NDST3: variants seen among roughly 807,000 people sequenced by gnomAD.
The protein encoded by NDST3 is bifunctional heparan sulfate N-deacetylase/N-sulfotransferase 3.
Under a neutral mutation model 96.1 loss-of-function variants are expected in NDST3, and 58 were observed. The ratio of observed to expected loss-of-function variants is 0.60; its 90% CI spans 0.49 to 0.75. The LOEUF (loss-of-function observed/expected upper bound fraction) is 0.75, where lower values mean the gene tolerates loss of function less well. Ranked by LOEUF, NDST3 falls within the 30% of genes least tolerant of loss-of-function variation. NDST3 has a pLI of 0.00. For missense variants in NDST3, 788 were observed against 1,034.2 expected (o/e 0.76, Z 3.27); for synonymous variants, 333 against 359.7 (o/e 0.93, Z 0.84).
intron 2 of NDST3, among the ~76,000 whole-genome samples, chr4:118,089,746 T>C (rs2125829049): frequency 6.6e-6 from 1 of 152,056 alleles, no homozygotes; most frequent in Non-Finnish European, 1.5e-5. Context: ...GAAAGACCTA[T>C]GAAAAAGTAT....
intron 6 of NDST3, among the ~76,000 whole-genome samples, chr4:118,171,195 T>C (rs973270658): frequency 3.9e-5 from 6 of 152,192 alleles, no homozygotes; most frequent in Non-Finnish European, 8.8e-5. Flanking sequence ...TCTTTCTTTG[T>C]AGTAGAAACT....
chr4:118,244,947 TA>T (rs1245468549), intron 12 of NDST3, among the ~76,000 whole-genome samples: 1 of 152,166 alleles, frequency 6.6e-6, no homozygotes, highest in East Asian at 1.9e-4. Flanking sequence ...AAATAAGCTT[TA>T]AAAATATAAA....
chr4:118,168,509 C>G (rs1463266156), intron 6 of NDST3, among the ~76,000 whole-genome samples: 1 of 152,036 alleles, frequency 6.6e-6, no homozygotes, highest in African/African-American at 2.4e-5. Flanking sequence ...AATTAGAACT[C>G]TTGTACACAG....
intron 2 of NDST3, among the ~76,000 whole-genome samples, chr4:118,093,499 C>T (rs1480160259): frequency 6.6e-6 from 1 of 151,862 alleles, no homozygotes; most frequent in Non-Finnish European, 1.5e-5. Flanking sequence ...TTCAGTGAAG[C>T]TTCAGAAGCT....
chr4:118,217,079 T>C (rs993030892), intron 6 of NDST3, among the ~76,000 whole-genome samples: 7 of 152,092 alleles, frequency 4.6e-5, no homozygotes, highest in Non-Finnish European at 5.9e-5. Flanking sequence ...TTTAAAAACA[T>C]TGCATTTGCC....
chr4:118,114,716 T>C (rs1730918603), intron 3 of NDST3, 90 bp from the exon 4 acceptor site: 2 of 1,359,690 alleles, frequency 1.5e-6, no homozygotes, highest in Admixed American at 4.1e-5. Context: ...TCTAAATACA[T>C]ATACGAGAAA....
chr4:118,114,991 G>C, intron 4 of NDST3, 31 bp downstream of exon 4: 1 of 1,597,816 alleles, frequency 6.3e-7, no homozygotes, highest in Non-Finnish European at 8.6e-7. Context: ...CATTGAAGTA[G>C]TGTACACTGA....
intron 6 of NDST3, among the ~76,000 whole-genome samples, chr4:118,151,393 T>TA (rs200922768): frequency 1.3e-4 from 19 of 151,114 alleles, no homozygotes; most frequent in South Asian, 8.4e-4. Flanking sequence ...ATAATAATAA[T>TA]AAAAAAAAGA....
chr4:118,161,879 C>T (rs1735170612), intron 6 of NDST3, among the ~76,000 whole-genome samples: 1 of 152,172 alleles, frequency 6.6e-6, no homozygotes, highest in Non-Finnish European at 1.5e-5. Flanking sequence ...ACTGCACCCA[C>T]TGTCCTGCGC....
intron 4 of NDST3, among the ~76,000 whole-genome samples, chr4:118,132,061 C>T (rs1732670187): frequency 6.6e-6 from 1 of 152,070 alleles, no homozygotes; most frequent in South Asian, 2.1e-4. Context: ...ATAACTACTA[C>T]CTGGCTACCA....
chr4:118,166,254 A>G (rs1022103716), intron 6 of NDST3, among the ~76,000 whole-genome samples: 2 of 151,932 alleles, frequency 1.3e-5, no homozygotes, highest in Non-Finnish European at 2.9e-5. Context: ...AAAGATGATC[A>G]TAATAGTCTA....
At chr4:118,060,139 A>G (rs1019383279) in intron 2 of NDST3, among the ~76,000 whole-genome samples, 1 of 152,094 alleles carries the variant, frequency 6.6e-6, no homozygotes, top group Non-Finnish European at 1.5e-5. Context: ...GGGTGAGGGA[A>G]TGGAATGGTA....
intron 6 of NDST3, among the ~76,000 whole-genome samples, chr4:118,209,599 T>C (rs892723146): frequency 6.6e-6 from 1 of 152,252 alleles, no homozygotes; most frequent in African/African-American, 2.4e-5. Context: ...AGGGCTGAAC[T>C]TGCAGTTCTG....
intron 2 of NDST3, among the ~76,000 whole-genome samples, chr4:118,066,161 ATATAT>A (rs1431225310): frequency 7.1e-4 from 22 of 31,178 alleles, no homozygotes; most frequent in African/African-American, 1.7e-3. Context: ...TATATATATT[ATATAT>A]TATATTTTAT....
chr4:118,137,890 A>G (rs952210468), intron 4 of NDST3, among the ~76,000 whole-genome samples, 164 bp from the exon 5 acceptor site: 2 of 152,202 alleles, frequency 1.3e-5, no homozygotes, highest in Non-Finnish European at 2.9e-5. Flanking sequence ...AACAGGCTTC[A>G]TGACGTCTAG....
At chr4:118,168,956 T>C (rs1210805078) in intron 6 of NDST3, among the ~76,000 whole-genome samples, 1 of 152,114 alleles carries the variant, frequency 6.6e-6, no homozygotes, top group Non-Finnish European at 1.5e-5. Context: ...AGATTTATGA[T>C]TGCCAGGAGC....
chr4:118,225,270 C>G (rs1739802133), intron 7 of NDST3, among the ~76,000 whole-genome samples: 2 of 152,174 alleles, frequency 1.3e-5, no homozygotes, highest in Non-Finnish European at 2.9e-5. Flanking sequence ...ACCTAGATTT[C>G]AAAGCATAGA....
intron 6 of NDST3, chr4:118,193,581 A>C: frequency 8.8e-7 from 1 of 1,139,126 alleles, no homozygotes; most frequent in Non-Finnish European, 1.3e-6. Context: ...AGCTGCCTGC[A>C]GATCTGCTGC....
chr4:118,067,358 A>C (rs1307118428), intron 2 of NDST3, among the ~76,000 whole-genome samples: 2 of 152,098 alleles, frequency 1.3e-5, no homozygotes, highest in Non-Finnish European at 2.9e-5. Context: ...TAAGTATTTA[A>C]AGGAAGTAAA....
Sources: allele counts gnomAD v4.1 joint callset (sites outside exome capture counted in the v4.1 genomes callset), GRCh38; gene constraint gnomAD v4.1.1; transcripts MANE v1.5; gene names NCBI Gene and HGNC (gene_info 2026-07-23, HGNC 2026-07-21).